Variants in NAALADL2 observed in about 807,000 individuals in gnomAD.
The protein encoded by NAALADL2 is inactive N-acetylated-alpha-linked acidic dipeptidase-like protein 2.
In NAALADL2, 76 loss-of-function variants were observed where a neutral mutation model predicts 87.2. The ratio of observed to expected loss-of-function variants is 0.87; its 90% CI spans 0.72 to 1.05. The LOEUF is 1.05. NAALADL2 is among the 50% of genes least tolerant of loss of function. The pLI, the probability that NAALADL2 is intolerant of heterozygous loss-of-function variation, is 0.00. For missense variants in NAALADL2, 1,089 were observed against 945.8 expected, an observed-to-expected ratio of 1.15 and a Z score of -1.99; for synonymous variants, 354 against 331.0, an observed-to-expected ratio of 1.07 and a Z score of -0.75.
At chr3:174,659,464 G>T (rs1323076682) in intron 2 of NAALADL2, among the ~76,000 whole-genome samples, 5 of 152,126 alleles carry the variant, frequency 3.3e-5, no homozygotes, top group African/African-American at 1.2e-4. Flanking sequence ...AAGGTTAGGG[G>T]CAATAGCAGA....
At chr3:175,586,530 A>C (rs1320449429) in intron 10 of NAALADL2, among the ~76,000 whole-genome samples, 1 of 152,222 alleles carries the variant, frequency 6.6e-6, no homozygotes, top group African/African-American at 2.4e-5. Context: ...CTCAATAGCT[A>C]TAGCCTTGAA....
chr3:174,849,697 T>G (rs1156983824), intron 3 of NAALADL2, among the ~76,000 whole-genome samples: 1 of 139,260 alleles, frequency 7.2e-6, no homozygotes, highest in Non-Finnish European at 1.5e-5. Context: ...ATCGCGCCAT[T>G]GCACTCCAGC....
At chr3:175,445,190 A>C (rs998444787) in intron 5 of NAALADL2, among the ~76,000 whole-genome samples, 2 of 152,196 alleles carry the variant, frequency 1.3e-5, no homozygotes, top group Non-Finnish European at 2.9e-5. Flanking sequence ...AAACTGAATA[A>C]GTATTCGTTA....
intron 3 of NAALADL2, among the ~76,000 whole-genome samples, chr3:174,800,189 G>A (rs186423809): frequency 1.8e-3 from 269 of 152,268 alleles, no homozygotes; most frequent in Middle Eastern, 3.4e-3. Flanking sequence ...TAAGTAACGA[G>A]GAGCTGAATG....
At chr3:175,727,044 G>C (rs2150050699) in intron 11 of NAALADL2, among the ~76,000 whole-genome samples, 1 of 152,238 alleles carries the variant, frequency 6.6e-6, no homozygotes, top group African/African-American at 2.4e-5. Flanking sequence ...TTAAATTTCA[G>C]TGGAGACATG....
intron 2 of NAALADL2, among the ~76,000 whole-genome samples, chr3:175,162,945 C>T (rs1733456440): frequency 6.6e-6 from 1 of 151,992 alleles, no homozygotes; most frequent in South Asian, 2.1e-4. Context: ...ATGATGTTGA[C>T]ATATGAAAAA....
rs533368300 is a variant in NAALADL2, at chr3:175,363,928, G to T, written c.1090+39603G>T. Among the ~76,000 whole-genome samples, 3 of 148,136 alleles carry T rather than the reference G, an allele frequency of 2.0e-5. 1 individual carries two copies. Among genetic ancestry groups the T allele is most frequent in the Non-Finnish European group, 4.5e-5 (3 of 66,554 alleles). On this transcript the variant is annotated intron_variant, in intron 5 of 13. Coordinates refer to ENST00000454872, the MANE Select transcript of NAALADL2 (RefSeq NM_207015.3). ...TAGAAATTAGTTTCCTAGTTCAGAAGCTGCTTTGAAAACAGATTTGACATT... is the reference window on the plus strand; with the variant it reads ...TAGAAATTAGTTTCCTAGTTCAGAATCTGCTTTGAAAACAGATTTGACATT...
rs190118563 is a variant in NAALADL2 at position 175,089,878 on chromosome 3, C to A, written c.44-6912C>A. On this transcript the variant is annotated intron_variant, in intron 1 of 13. Transcript: ENST00000454872. The stretch of plus-strand genomic sequence containing the variant: ...CCTGTAGACAACCCTCTTTGCTATG[C>A]CTATAGTGAAGCTCAGAACTACATT... Among the ~76,000 whole-genome samples the A allele has an allele frequency of 2.6e-5, 4 of 152,258 alleles. No individual in the cohort carries two copies. The East Asian group carries it at 7.7e-4, about 29-fold the overall frequency.
intron 4 of NAALADL2, among the ~76,000 whole-genome samples, chr3:175,286,895 C>G (rs1021955875): frequency 1.3e-5 from 2 of 148,198 alleles, no homozygotes; most frequent in African/African-American, 4.9e-5. Flanking sequence ...GAGACCAGCC[C>G]GGGCAACATA....
intron 3 of NAALADL2, among the ~76,000 whole-genome samples, chr3:174,797,648 G>T (rs962796304): frequency 2.6e-5 from 4 of 151,970 alleles, no homozygotes; most frequent in African/African-American, 9.7e-5. Context: ...TGTTCAGTTT[G>T]CTTAAGATTG....
intron 11 of NAALADL2, among the ~76,000 whole-genome samples, chr3:175,661,820 C>T (rs1181487950): frequency 1.3e-5 from 2 of 152,000 alleles, no homozygotes; most frequent in East Asian, 3.9e-4. Flanking sequence ...GAGTTTATAT[C>T]TGGGTTCTCT....
rs1026473743 is a variant in NAALADL2 at position 174,532,396 on chromosome 3, A to G, written c.-183-18173A>G. 6.4e-4 allele frequency among the ~76,000 whole-genome samples: 98 copies of G among 152,170 alleles called. 5 individuals carry two copies. The highest frequency in any genetic ancestry group is 1.5e-5 in the Non-Finnish European group (1 of 68,036). On this transcript the variant is annotated intron_variant, in intron 1 of 3. Coordinates refer to the NAALADL2 transcript ENST00000434257. ...CTGCCAAGTTCTTATCACTATTGAGAGGTCAGTCTTATAAATATTTGAGTA... is the reference window on the plus strand; with the variant it reads ...CTGCCAAGTTCTTATCACTATTGAGGGGTCAGTCTTATAAATATTTGAGTA...
intron 2 of NAALADL2, among the ~76,000 whole-genome samples, chr3:175,160,193 A>G (rs1732942518): frequency 6.6e-6 from 1 of 151,792 alleles, no homozygotes; most frequent in Admixed American, 6.6e-5. Flanking sequence ...GGTCACCAGT[A>G]CAGTGGTAGT....
At chr3:174,684,699 G>A (rs1411365088) in intron 2 of NAALADL2, among the ~76,000 whole-genome samples, 1 of 152,090 alleles carries the variant, frequency 6.6e-6, no homozygotes, top group East Asian at 1.9e-4. Flanking sequence ...CTATGACATA[G>A]GACAGGCAGT....
At chr3:174,745,924 A>T (rs1734210213) in intron 3 of NAALADL2, among the ~76,000 whole-genome samples, 1 of 152,174 alleles carries the variant, frequency 6.6e-6, no homozygotes, top group East Asian at 1.9e-4. Context: ...TTGGTGGAAC[A>T]TATCTCAAAA....
At chr3:175,005,256 A>T (rs756350728) in intron 1 of NAALADL2, among the ~76,000 whole-genome samples, 1 of 152,186 alleles carries the variant, frequency 6.6e-6, no homozygotes, top group Admixed American at 6.5e-5. Context: ...TTAATAACTT[A>T]TTCAAGGTCA....
At chr3:175,355,020 A>ATGTGTGTGTGTGTG (rs1325977007) in intron 5 of NAALADL2, among the ~76,000 whole-genome samples, 196 of 100,634 alleles carry the variant, frequency 1.9e-3, no homozygotes, top group African/African-American at 7.4e-3. Context: ...TGCTATATAT[A>ATGTGTGTGTGTGTG]TATGTGTGTG....
At chr3:174,588,678 G>T (rs1717006232) in intron 2 of NAALADL2, among the ~76,000 whole-genome samples, 1 of 152,304 alleles carries the variant, frequency 6.6e-6, no homozygotes, top group Middle Eastern at 3.4e-3. Flanking sequence ...AGCAGCAGAG[G>T]CTGCAGAACA....
At position 175,761,901 on chromosome 3, in the gene NAALADL2, C is replaced by T. The variant is rs925584547; in HGVS notation, c.2189+6483C>T. On this transcript the variant is annotated intron_variant, in intron 13 of 13. Coordinates refer to ENST00000454872, the MANE Select transcript of NAALADL2 (RefSeq NM_207015.3). ...GTATTTTTATATTTTGGACACCAAT[C>T]CTCTATTAGGTAGATGTTTTACAAA... Among the ~76,000 whole-genome samples, 14 of 152,174 alleles carry T rather than the reference C, an allele frequency of 9.2e-5. No homozygotes were observed. In the East Asian group the frequency reaches 2.3e-3, roughly 25 times the overall value.
Sources: gnomAD v4.1 joint callset for allele counts (sites outside exome capture counted in the v4.1 genomes callset) on GRCh38, gnomAD v4.1.1 for gene constraint, MANE v1.5 for transcripts, NCBI Gene and HGNC (gene_info 2026-07-23, HGNC 2026-07-21) for gene names.